Variants in LPCAT3 observed in about 807,000 individuals in gnomAD.
LPCAT3 encodes the protein lysophospholipid acyltransferase 5.
LPCAT3 carries 21 observed loss-of-function variants against 63.4 expected under a neutral mutation model. The ratio of observed to expected loss-of-function variants is 0.33; its 90% CI spans 0.23 to 0.48. The LOEUF (loss-of-function observed/expected upper bound fraction) is 0.48. Ranked by LOEUF, LPCAT3 falls within the 20% of genes least tolerant of loss-of-function variation. The pLI is 0.99. For missense variants in LPCAT3, 451 were observed against 590.6 expected, an observed-to-expected ratio of 0.76 and a Z score of 2.45; for synonymous variants, 242 against 227.5, an observed-to-expected ratio of 1.06 and a Z score of -0.58.
intron 1 of LPCAT3, among the ~76,000 whole-genome samples, chr12:7,002,833 A>AC (rs1358157462): frequency 7.9e-5 from 12 of 152,088 alleles, no homozygotes; most frequent in African/African-American, 2.9e-4. Flanking sequence ...ACATGGTGAA[A>AC]CCCCATCTCT....
In LPCAT3 at chr12:6,976,617, G is replaced by A. The variant is rs1946405081; in HGVS notation, c.*287C>T. On this transcript the variant is annotated 3_prime_UTR_variant, in exon 13 of 13. Coordinates refer to ENST00000261407, the MANE Select transcript of LPCAT3 (RefSeq NM_005768.6). ...GCGTGCCTGTATTCCCAGCTACTTGGGAGGCTGAGGCAGGAAAATCACTTG... is the reference window on the plus strand; with the variant it reads ...GCGTGCCTGTATTCCCAGCTACTTGAGAGGCTGAGGCAGGAAAATCACTTG... 6.5e-6 allele frequency: 1 copy of A among 153,390 alleles called. No individual in the cohort carries two copies. Among genetic ancestry groups the A allele is most frequent in the Non-Finnish European group, 1.5e-5 (1 of 68,910 alleles). The allele number at this position is 153,390 out of a possible 1,614,324, so 9.5% of individuals were successfully genotyped here.
intron 1 of LPCAT3, among the ~76,000 whole-genome samples, chr12:6,983,976 C>G (rs1337590893): frequency 1.3e-5 from 2 of 152,128 alleles, no homozygotes; most frequent in Non-Finnish European, 2.9e-5. Flanking sequence ...AACCCCGTCT[C>G]TATTAAAAAA....
At position 6,977,047 on chromosome 12, in the gene LPCAT3, CCA is replaced by C; in HGVS notation, c.*12+85_*12+86del. The C allele has an allele frequency of 3.5e-6, 3 of 849,520 alleles. No homozygotes were observed. The highest frequency in any genetic ancestry group is 2.4e-5 in the East Asian group (1 of 41,046). The allele number at this position is 849,520 out of a possible 1,614,324, so 52.6% of individuals were successfully genotyped here. A position where few individuals can be genotyped will look rare whatever the true frequency, so the allele number is the denominator to read the frequency against. On this transcript the variant is annotated intron_variant, in intron 12 of 12. Transcript: ENST00000261407. The surrounding 1 kb of genome is among the most constrained non-coding windows in gnomAD (Gnocchi z 4.5). ...GCCAGGCTAATCCTTGGAATTCACC[CCA>C]GATTTCTAATACTATTGTTTTTTTC... is the stretch of plus-strand genomic sequence containing the variant.
In LPCAT3 at chr12:6,979,539, A is replaced by G; in HGVS notation, c.718T>C (p.Tyr240His). Residue 240 changes from tyrosine (Y) to histidine (H), a missense_variant, in exon 7 of 13, where the codon TAC becomes CAC. By Grantham distance (83) the Tyr-to-His change is moderately conservative. This residue lies in a region of LPCAT3 where 304 missense variants were observed against 390.8 expected (regional missense o/e 0.78). Coordinates refer to ENST00000261407, the MANE Select transcript of LPCAT3 (RefSeq NM_005768.6). ...ALKRLSLGLF[Y>H]LVGYTLLSPH... The stretch of plus-strand genomic sequence containing the variant: ...CTGAGCAGTGTGTAGCCCACTAGGT[A>G]GAAAAGGCCCAGACTCAGGCGCTTG... 1.2e-6 allele frequency: 2 copies of G among 1,614,120 alleles called. No homozygotes were observed. The highest frequency in any genetic ancestry group is 2.2e-5 in the East Asian group (1 of 44,884).
intron 1 of LPCAT3, among the ~76,000 whole-genome samples, chr12:7,014,341 T>C (rs1555157422): frequency 6.6e-6 from 1 of 152,184 alleles, no homozygotes; most frequent in Non-Finnish European, 1.5e-5. Context: ...ATATGAGCAA[T>C]TCATGGTATT....
At chr12:6,996,944 G>A (rs1946641332) in intron 1 of LPCAT3, among the ~76,000 whole-genome samples, 1 of 151,858 alleles carries the variant, frequency 6.6e-6, no homozygotes, top group South Asian at 2.1e-4. Context: ...TTCAAGGGAG[G>A]AAAAATATTG....
Position 6,981,133 on chromosome 12 carries a change from G to T in LPCAT3, c.548C>A (p.Ser183Tyr). The T allele has an allele frequency of 6.2e-7, 1 of 1,613,748 alleles. No individual in the cohort carries two copies. Among genetic ancestry groups the T allele is most frequent in the Non-Finnish European group, 8.5e-7 (1 of 1,179,854 alleles). Residue 183 changes from serine to tyrosine, a missense_variant, in exon 6 of 13, where the codon TCC becomes TAC. Physicochemically the swap from Ser to Tyr is moderately radical, Grantham distance 144 (BLOSUM62 -2). Around this residue, in one of 3 missense-constraint regions of LPCAT3, gnomAD observed 304 missense variants for 390.8 expected, o/e 0.78. Coordinates refer to ENST00000261407, the MANE Select transcript of LPCAT3 (RefSeq NM_005768.6). The stretch of plus-strand genomic sequence containing the variant: ...GGAGAAACCAGCAACTTCCAGCAGG[G>T]AAGGAACACCACGTATGGCATATTT... ...QQKYAIRGVP[S>Y]LLEVAGFSYF...
In LPCAT3 at chr12:6,982,714, T is replaced by C. The variant is rs1555154290; in HGVS notation, c.328A>G (p.Thr110Ala). 2.5e-6 allele frequency: 4 copies of C among 1,614,064 alleles called. No individual in the cohort carries two copies. The highest frequency in any genetic ancestry group is 3.4e-6 in the Non-Finnish European group (4 of 1,179,940). ...AAGGTAGTGAGGACGGCAGTGATGGTGCGGCCCATTAGTCGAAGGATGAGG... is the reference window on the plus strand; with the variant it reads ...AAGGTAGTGAGGACGGCAGTGATGGCGCGGCCCATTAGTCGAAGGATGAGG... Reference protein sequence around the residue: ...QFLILRLMGRTITAVLTTFCF... With the variant: ...QFLILRLMGRAITAVLTTFCF... Residue 110 changes from threonine (T) to alanine (A), a missense_variant, in exon 3 of 13, where the codon ACC becomes GCC. Transcript: ENST00000261407.
At chr12:6,990,222 A>T (rs1201426883) in intron 1 of LPCAT3, among the ~76,000 whole-genome samples, 7 of 151,334 alleles carry the variant, frequency 4.6e-5, no homozygotes, top group Admixed American at 2.0e-4. Context: ...AAATAAAAAA[A>T]ATATAAGCGG....
chr12:6,983,382 C>T (rs1946489986), intron 2 of LPCAT3, 50 bp downstream of exon 2: 1 of 1,291,778 alleles, frequency 7.7e-7, no homozygotes. Context: ...AAGTCTGTTC[C>T]TTCCAGGTTC....
chr12:6,995,033 C>T (rs1435537112), intron 1 of LPCAT3, among the ~76,000 whole-genome samples: 1 of 152,004 alleles, frequency 6.6e-6, no homozygotes, highest in Non-Finnish European at 1.5e-5. Context: ...TACTTCCTTG[C>T]TGGACAGTTT....
chr12:7,008,892 A>T (rs1300032597), intron 1 of LPCAT3, among the ~76,000 whole-genome samples: 1 of 152,170 alleles, frequency 6.6e-6, no homozygotes, highest in Non-Finnish European at 1.5e-5. Context: ...TAACAACAAC[A>T]TCTCTTTATT....
chr12:6,996,938 A>G (rs782738761), intron 1 of LPCAT3, among the ~76,000 whole-genome samples: 5 of 152,160 alleles, frequency 3.3e-5, no homozygotes, highest in Non-Finnish European at 7.3e-5. Flanking sequence ...GCTAATTTCA[A>G]GGGAGGAAAA....
rs1555153438 is a variant in LPCAT3 at position 6,977,538 on chromosome 12, G to A, written c.1189-13C>T. The A allele has an allele frequency of 2.5e-6, 4 of 1,614,110 alleles. No individual in the cohort carries two copies. The Admixed American group carries it at 6.7e-5, about 27-fold the overall frequency. On this transcript the variant is annotated splice_polypyrimidine_tract_variant and intron_variant, in intron 10 of 12. Transcript: ENST00000261407. This position sits in a 1 kb window ranked among gnomAD's most constrained non-coding sequence, Gnocchi z 4.5. ...TGAGCCTGGCAGCCTGGGGAGGGAG[G>A]AGGAGCTCATCAGCATCTTGTCCCT...
chr12:6,990,792 C>G (rs1169083099), intron 1 of LPCAT3, among the ~76,000 whole-genome samples: 1 of 150,876 alleles, frequency 6.6e-6, no homozygotes, highest in Non-Finnish European at 1.5e-5. Flanking sequence ...TGGCAGGCGC[C>G]TGTGATCCCA....
intron 1 of LPCAT3, among the ~76,000 whole-genome samples, chr12:6,986,024 C>T (rs1255036459): frequency 2.0e-5 from 3 of 151,978 alleles, no homozygotes; most frequent in African/African-American, 7.2e-5. Context: ...ATCCACCTGC[C>T]TTGGCCTCCC....
chr12:6,982,068 T>TG (rs1230620209), intron 3 of LPCAT3, among the ~76,000 whole-genome samples, 164 bp from the exon 4 acceptor site: 8 of 152,166 alleles, frequency 5.3e-5, no homozygotes, highest in African/African-American at 1.9e-4. Flanking sequence ...GGAAGAGCGT[T>TG]GCTCAAGGCT....
chr12:7,003,702 CA>C (rs1555156689), intron 1 of LPCAT3, among the ~76,000 whole-genome samples: 1 of 150,984 alleles, frequency 6.6e-6, no homozygotes. Flanking sequence ...GCGGGTGGAT[CA>C]TGAGGTCAGG....
chr12:6,989,451 C>T (rs1946566206), intron 1 of LPCAT3, among the ~76,000 whole-genome samples: 1 of 151,782 alleles, frequency 6.6e-6, no homozygotes, highest in Non-Finnish European at 1.5e-5. Flanking sequence ...GCTGGGACTA[C>T]AGGCGCCCGC....
Sources: allele counts gnomAD v4.1 joint callset (sites outside exome capture counted in the v4.1 genomes callset), GRCh38; gene constraint gnomAD v4.1.1; regional missense constraint gnomAD v4.1.1; non-coding constraint Gnocchi (gnomAD v3.1); transcripts MANE v1.5; gene names NCBI Gene and HGNC (gene_info 2026-07-23, HGNC 2026-07-21).